ROBO1: variants seen among roughly 807,000 people sequenced by gnomAD.
ROBO1 encodes roundabout guidance receptor 1.
Under a neutral mutation model 195.9 loss-of-function variants are expected in ROBO1, and 149 were observed. The observed-to-expected ratio is 0.76, with a 90% CI of 0.67 to 0.87. The LOEUF (loss-of-function observed/expected upper bound fraction) is 0.87, where lower values mean the gene tolerates loss of function less well. Among genes scored for constraint, ROBO1 ranks in the 40% least tolerant of loss-of-function variants. The probability of loss-of-function intolerance (pLI) is 0.00; values close to 1 mark genes in which losing one functional copy is unlikely to be tolerated. For missense variants in ROBO1, 1,933 were observed against 2,068.3 expected (o/e 0.93, Z 1.27); for synonymous variants, 816 against 733.2 (o/e 1.11, Z -1.82).
chr3:79,762,655 C>G (rs1559564221), intron 1 of ROBO1, among the ~76,000 whole-genome samples: 3 of 132,562 alleles, frequency 2.3e-5, no homozygotes, highest in African/African-American at 7.9e-5. Flanking sequence ...AATGAAACAT[C>G]CTGAGTGTTT....
chr3:79,441,905 CAGT>C (rs1223654273), intron 2 of ROBO1, among the ~76,000 whole-genome samples: 1 of 151,934 alleles, frequency 6.6e-6, no homozygotes, highest in Non-Finnish European at 1.5e-5. Context: ...TGCAACATAG[CAGT>C]AGTTCTCTAA....
intron 3 of ROBO1, among the ~76,000 whole-genome samples, chr3:79,025,315 C>G (rs2078182631): frequency 6.6e-6 from 1 of 152,156 alleles, no homozygotes; most frequent in Non-Finnish European, 1.5e-5. Flanking sequence ...GCAATACTTC[C>G]CATATCCTTT....
chr3:79,536,602 T>C (rs1941874393), intron 2 of ROBO1, among the ~76,000 whole-genome samples: 1 of 152,122 alleles, frequency 6.6e-6, no homozygotes, highest in South Asian at 2.1e-4. Flanking sequence ...AAAATAATAA[T>C]AGCCTGCTAA....
chr3:79,741,544 T>C (rs1703649934), intron 1 of ROBO1, among the ~76,000 whole-genome samples: 1 of 152,190 alleles, frequency 6.6e-6, no homozygotes. Flanking sequence ...ATGTCCCTGG[T>C]AATTGTAATA....
intron 1 of ROBO1, among the ~76,000 whole-genome samples, chr3:79,673,990 A>G (rs978989125): frequency 6.6e-6 from 1 of 152,058 alleles, no homozygotes; most frequent in Non-Finnish European, 1.5e-5. Context: ...AAGAATTAGT[A>G]TTTATAAATC....
At chr3:79,215,306 G>A in intron 2 of ROBO1, among the ~76,000 whole-genome samples, 1 of 152,032 alleles carries the variant, frequency 6.6e-6, no homozygotes, top group East Asian at 1.9e-4. Context: ...TGATGCTCAT[G>A]TCCCACATGT....
chr3:79,630,409 G>A (rs1257421840), intron 1 of ROBO1, among the ~76,000 whole-genome samples: 1 of 152,026 alleles, frequency 6.6e-6, no homozygotes, highest in East Asian at 1.9e-4. Flanking sequence ...CATCTCGATT[G>A]ATGCAGAAAA....
In ROBO1 at chr3:78,617,156, A is replaced by G. The variant is rs139612357; in HGVS notation, c.4282+479T>C. ...GAAATAGCCCATTTTCCAAAGGTCAAAGTGATCTACTTGGATATTTATGTA... is the reference window on the plus strand; with the variant it reads ...GAAATAGCCCATTTTCCAAAGGTCAGAGTGATCTACTTGGATATTTATGTA... On this transcript the variant is annotated intron_variant, in intron 27 of 30. Coordinates refer to ENST00000464233, the MANE Select transcript of ROBO1 (RefSeq NM_002941.4). 2.4e-3 allele frequency among the ~76,000 whole-genome samples: 361 copies of G among 152,298 alleles called. 3 individuals are homozygous for G. Among genetic ancestry groups the G allele is most frequent in the African/African-American group, 8.2e-3 (340 of 41,580 alleles).
intron 2 of ROBO1, among the ~76,000 whole-genome samples, chr3:79,254,595 T>C (rs2082794654): frequency 6.6e-6 from 1 of 152,104 alleles, no homozygotes; most frequent in African/African-American, 2.4e-5. Flanking sequence ...CCAGTGAACC[T>C]GCAAAATCAG....
chr3:79,630,153 ATCG>A (rs1160280330), intron 1 of ROBO1, among the ~76,000 whole-genome samples: 1 of 152,032 alleles, frequency 6.6e-6, no homozygotes, highest in Non-Finnish European at 1.5e-5. Context: ...TGGAACTAGT[ATCG>A]TCCTCAAACC....
intron 1 of ROBO1, among the ~76,000 whole-genome samples, chr3:79,659,217 C>A (rs1310239875): frequency 6.6e-6 from 1 of 151,964 alleles, no homozygotes; most frequent in Non-Finnish European, 1.5e-5. Flanking sequence ...TGCAACTAAA[C>A]ATGATGCTTA....
chr3:79,466,687 G>A (rs1937977915), intron 2 of ROBO1, among the ~76,000 whole-genome samples: 1 of 152,078 alleles, frequency 6.6e-6, no homozygotes, highest in Non-Finnish European at 1.5e-5. Flanking sequence ...ACAGAAACTG[G>A]TGGCATAATG....
intron 4 of ROBO1, among the ~76,000 whole-genome samples, chr3:78,786,048 AC>A (rs2083823099): frequency 6.6e-6 from 1 of 152,170 alleles, no homozygotes; most frequent in South Asian, 2.1e-4. Context: ...AATGTGAACT[AC>A]CTTTATTTTG....
At chr3:78,984,065 G>A (rs911081141) in intron 3 of ROBO1, among the ~76,000 whole-genome samples, 10 of 152,006 alleles carry the variant, frequency 6.6e-5, no homozygotes, top group Non-Finnish European at 1.3e-4. Flanking sequence ...CATTAATAAC[G>A]AAGAATAATA....
At chr3:79,633,463 G>A (rs977332109) in intron 1 of ROBO1, among the ~76,000 whole-genome samples, 1 of 148,768 alleles carries the variant, frequency 6.7e-6, no homozygotes, top group Non-Finnish European at 1.5e-5. Flanking sequence ...TAGGACAATC[G>A]GCATGGGCTA....
At chr3:79,277,945 C>A (rs1236516335) in intron 2 of ROBO1, among the ~76,000 whole-genome samples, 1 of 151,778 alleles carries the variant, frequency 6.6e-6, no homozygotes, top group Non-Finnish European at 1.5e-5. Context: ...TACCAAAAAT[C>A]CCTTGGAACT....
At chr3:79,091,008 G>A (rs534677384) in intron 3 of ROBO1, among the ~76,000 whole-genome samples, 19 of 152,072 alleles carry the variant, frequency 1.2e-4, no homozygotes, top group African/African-American at 4.3e-4. Flanking sequence ...GAAAGAGTGC[G>A]TTCTCTTTTA....
At chr3:79,026,383 A>G (rs2078203762) in intron 3 of ROBO1, among the ~76,000 whole-genome samples, 1 of 152,116 alleles carries the variant, frequency 6.6e-6, no homozygotes, top group East Asian at 1.9e-4. Context: ...AGCTGAAGAA[A>G]GCTATCAGTG....
At chr3:79,069,862 T>G (rs1038252266) in intron 3 of ROBO1, among the ~76,000 whole-genome samples, 2 of 151,926 alleles carry the variant, frequency 1.3e-5, no homozygotes, top group Non-Finnish European at 1.5e-5. Flanking sequence ...ATAATATTGT[T>G]ATGACAACTT....
Sources: allele counts gnomAD v4.1 joint callset (sites outside exome capture counted in the v4.1 genomes callset), GRCh38; gene constraint gnomAD v4.1.1; transcripts MANE v1.5; gene names NCBI Gene and HGNC (gene_info 2026-07-23, HGNC 2026-07-21).